SLC24A2: variants seen among roughly 807,000 people sequenced by gnomAD.
SLC24A2 encodes the protein sodium/potassium/calcium exchanger 2.
A neutral mutation model predicts 62.0 loss-of-function variants in SLC24A2; 36 were observed. The observed-to-expected ratio is 0.58, with a 90% CI of 0.44 to 0.77. SLC24A2 has a LOEUF of 0.77. Among genes scored for constraint, SLC24A2 ranks in the 30% least tolerant of loss-of-function variants. The pLI is 0.00. For synonymous variants in SLC24A2, 358 were observed against 294.0 expected, an observed-to-expected ratio of 1.22 and a Z score of -2.23; for missense variants, 846 against 817.9, an observed-to-expected ratio of 1.03 and a Z score of -0.42.
chr9:19,534,098 A>G (rs1459760032), intron 8 of SLC24A2, among the ~76,000 whole-genome samples: 1 of 152,192 alleles, frequency 6.6e-6, no homozygotes, highest in Non-Finnish European at 1.5e-5. Flanking sequence ...ATTTATTCAC[A>G]GAGGGGAAAA....
the SLC24A2 span, among the ~76,000 whole-genome samples, chr9:19,827,425 G>C: frequency 6.6e-6 from 1 of 151,942 alleles, no homozygotes; most frequent in Non-Finnish European, 1.5e-5. Context: ...AGTTACCCTA[G>C]TTTTGTTTTC....
At chr9:19,747,000 G>A (rs1479813660) in intron 2 of SLC24A2, among the ~76,000 whole-genome samples, 1 of 152,056 alleles carries the variant, frequency 6.6e-6, no homozygotes, top group Admixed American at 6.6e-5. Context: ...TGTCTACTGT[G>A]GGCCAGTACT....
the SLC24A2 span, among the ~76,000 whole-genome samples, chr9:20,226,052 C>G: frequency 1.3e-5 from 2 of 152,110 alleles, no homozygotes; most frequent in Admixed American, 6.6e-5. Context: ...GATGGTTGCT[C>G]CTTTCAGTTC....
the SLC24A2 span, among the ~76,000 whole-genome samples, chr9:20,019,163 G>GAC: frequency 1.6e-3 from 207 of 125,946 alleles, 8 homozygotes; most frequent in African/African-American, 5.4e-3. Flanking sequence ...GAAAGAGAGA[G>GAC]AGACAGAAAG....
At chr9:20,276,168 C>T in the SLC24A2 span, among the ~76,000 whole-genome samples, 7 of 152,198 alleles carry the variant, frequency 4.6e-5, no homozygotes, top group Non-Finnish European at 4.4e-5. Flanking sequence ...TCCAAAGTCT[C>T]ATATGAGACA....
chr9:19,559,760 A>C (rs139852645), intron 7 of SLC24A2, among the ~76,000 whole-genome samples: 1 of 152,168 alleles, frequency 6.6e-6, no homozygotes, highest in Non-Finnish European at 1.5e-5. Context: ...CCCACCCAAA[A>C]CAGTGGCTGG....
chr9:20,077,149 A>T, the SLC24A2 span, among the ~76,000 whole-genome samples: 1 of 152,110 alleles, frequency 6.6e-6, no homozygotes, highest in East Asian at 1.9e-4. Flanking sequence ...TGTGGTGAGG[A>T]ATAAATGGGG....
chr9:20,298,410 G>T, the SLC24A2 span, among the ~76,000 whole-genome samples: 1 of 152,188 alleles, frequency 6.6e-6, no homozygotes, highest in South Asian at 2.1e-4. Flanking sequence ...TATATTTTTA[G>T]TAGAGACGGG....
the SLC24A2 span, among the ~76,000 whole-genome samples, chr9:20,271,764 A>G: frequency 6.6e-6 from 1 of 152,228 alleles, no homozygotes; most frequent in Non-Finnish European, 1.5e-5. Flanking sequence ...TATTAAAGAA[A>G]GGTTTGAATG....
the SLC24A2 span, among the ~76,000 whole-genome samples, chr9:20,163,279 A>G: frequency 6.2e-4 from 94 of 152,310 alleles, 1 homozygote; most frequent in African/African-American, 2.0e-3. Context: ...CAACTTCAGC[A>G]AAGTCTCAGG....
chr9:19,940,838 C>T, the SLC24A2 span, among the ~76,000 whole-genome samples: 1 of 152,150 alleles, frequency 6.6e-6, no homozygotes. Flanking sequence ...TTCAGTGTGG[C>T]TTTTTGTAAA....
chr9:19,751,956 C>A (rs1398379827), intron 2 of SLC24A2, among the ~76,000 whole-genome samples: 1 of 152,176 alleles, frequency 6.6e-6, no homozygotes, highest in Non-Finnish European at 1.5e-5. Flanking sequence ...TGTCCTGCTC[C>A]TTTCTATGTA....
the SLC24A2 span, among the ~76,000 whole-genome samples, chr9:19,870,402 T>A: frequency 6.6e-6 from 1 of 152,206 alleles, no homozygotes; most frequent in Non-Finnish European, 1.5e-5. Flanking sequence ...ATATACCACA[T>A]CTTGTTTATT....
chr9:19,598,057 T>C (rs980649961), intron 4 of SLC24A2, among the ~76,000 whole-genome samples: 4 of 152,178 alleles, frequency 2.6e-5, no homozygotes, highest in Admixed American at 2.0e-4. Flanking sequence ...TTGAGTGAGC[T>C]GGTGGGAGTG....
chr9:19,708,296 G>A (rs1209725315), intron 2 of SLC24A2, among the ~76,000 whole-genome samples: 2 of 152,086 alleles, frequency 1.3e-5, no homozygotes, highest in Admixed American at 1.3e-4. Flanking sequence ...CTCATGGGTA[G>A]GAAGAATCAA....
the SLC24A2 span, among the ~76,000 whole-genome samples, chr9:19,806,842 A>T: frequency 0.85 from 129,272 of 152,118 alleles, 55,972 homozygotes; most frequent in Non-Finnish European, 0.94. Flanking sequence ...CTAACAGCTT[A>T]TAGATTTTAT....
At chr9:20,171,172 AG>A in the SLC24A2 span, among the ~76,000 whole-genome samples, 1 of 152,074 alleles carries the variant, frequency 6.6e-6, no homozygotes, top group Non-Finnish European at 1.5e-5. Context: ...AAATGCTGAG[AG>A]AATTTGCCAC....
At chr9:20,164,399 G>C in the SLC24A2 span, among the ~76,000 whole-genome samples, 27 of 152,250 alleles carry the variant, frequency 1.8e-4, no homozygotes, top group South Asian at 6.2e-4. Context: ...ACCATCACTG[G>C]CCATCAGAGA....
At chr9:19,664,839 G>C (rs1375357021) in intron 2 of SLC24A2, among the ~76,000 whole-genome samples, 1 of 152,180 alleles carries the variant, frequency 6.6e-6, no homozygotes, top group African/African-American at 2.4e-5. Context: ...AAGCTAGGAA[G>C]AGGCAAGGAA....
Sources: allele counts gnomAD v4.1 joint callset (sites outside exome capture counted in the v4.1 genomes callset), GRCh38; gene constraint gnomAD v4.1.1; transcripts MANE v1.5; gene names NCBI Gene and HGNC (gene_info 2026-07-23, HGNC 2026-07-21).